CHSY3: variants seen among roughly 807,000 people sequenced by gnomAD.
CHSY3 encodes the protein chondroitin sulfate synthase 3, also known as N-acetylgalactosaminyl-proteoglycan 3-beta-glucuronosyltransferase 3.
A neutral mutation model predicts 67.2 loss-of-function variants in CHSY3; 35 were observed. The ratio of observed to expected loss-of-function variants is 0.52; its 90% CI spans 0.40 to 0.69. The LOEUF (loss-of-function observed/expected upper bound fraction) is 0.69, where lower values mean the gene tolerates loss of function less well. CHSY3 is among the 30% of genes least tolerant of loss of function. The pLI is 0.00. For synonymous variants in CHSY3, 474 were observed against 434.7 expected, an observed-to-expected ratio of 1.09 and a Z score of -1.12; for missense variants, 1,069 against 1,138.5, an observed-to-expected ratio of 0.94 and a Z score of 0.88.
intron 2 of CHSY3, among the ~76,000 whole-genome samples, chr5:130,045,680 T>C (rs1002110479): frequency 2.6e-5 from 4 of 152,148 alleles, no homozygotes; most frequent in African/African-American, 9.7e-5. Context: ...CTGGAACTAC[T>C]GTTTCTGGTG....
At chr5:130,082,627 A>C (rs1452864240) in intron 2 of CHSY3, among the ~76,000 whole-genome samples, 1 of 152,018 alleles carries the variant, frequency 6.6e-6, no homozygotes, top group Non-Finnish European at 1.5e-5. Flanking sequence ...TCCTTAATGA[A>C]TATTTTCCTA....
At chr5:129,962,656 T>C (rs571306911) in intron 2 of CHSY3, among the ~76,000 whole-genome samples, 1 of 152,142 alleles carries the variant, frequency 6.6e-6, no homozygotes, top group East Asian at 1.9e-4. Flanking sequence ...TGCTCTCTGC[T>C]CTCTGCTCTC....
intron 2 of CHSY3, among the ~76,000 whole-genome samples, chr5:130,128,965 A>G (rs1288363887): frequency 1.3e-5 from 2 of 151,570 alleles, no homozygotes; most frequent in Non-Finnish European, 2.9e-5. Flanking sequence ...ACAGGTCTGC[A>G]TAGAGAATGC....
chr5:130,153,783 T>C (rs1769296049), intron 2 of CHSY3, among the ~76,000 whole-genome samples: 1 of 152,188 alleles, frequency 6.6e-6, no homozygotes, highest in South Asian at 2.1e-4. Context: ...TTAGTTTTAT[T>C]TACTTGGTTC....
intron 2 of CHSY3, among the ~76,000 whole-genome samples, chr5:130,148,480 C>T (rs945055019): frequency 3.3e-5 from 5 of 152,156 alleles, no homozygotes; most frequent in African/African-American, 1.2e-4. Flanking sequence ...CACTGTTTTC[C>T]ACAATGGTTA....
At chr5:130,088,922 C>A (rs1006642649) in intron 2 of CHSY3, among the ~76,000 whole-genome samples, 1 of 151,924 alleles carries the variant, frequency 6.6e-6, no homozygotes, top group African/African-American at 2.4e-5. Context: ...CACACGCACA[C>A]GTATGTTTAT....
intron 2 of CHSY3, among the ~76,000 whole-genome samples, chr5:130,049,045 C>G (rs1020582658): frequency 6.6e-5 from 10 of 152,004 alleles, no homozygotes; most frequent in Admixed American, 5.3e-4. Context: ...GTAAAACCTA[C>G]TTTTCAATCC....
At chr5:130,172,702 G>C (rs1769930362) in intron 2 of CHSY3, among the ~76,000 whole-genome samples, 1 of 152,120 alleles carries the variant, frequency 6.6e-6, no homozygotes, top group African/African-American at 2.4e-5. Context: ...TGTTTCTGTA[G>C]AACTTTTTAA....
In CHSY3 at chr5:129,970,926, T is replaced by G. The variant is rs1170295292; in HGVS notation, c.1086+62566T>G. On this transcript the variant is annotated intron_variant, in intron 2 of 2. Coordinates refer to ENST00000305031, the MANE Select transcript of CHSY3 (RefSeq NM_175856.5). ...ATAGTTAAATATCAATGTAAATGTC[T>G]CTACTATGCCAGATAAACATAAGGT... Among the ~76,000 whole-genome samples the G allele has an allele frequency of 2.6e-5, 4 of 152,010 alleles. No homozygotes were observed. In the East Asian group the frequency reaches 7.8e-4, roughly 29 times the overall value.
chr5:129,955,766 C>G (rs1052081796), intron 2 of CHSY3, among the ~76,000 whole-genome samples: 2 of 152,076 alleles, frequency 1.3e-5, no homozygotes, highest in African/African-American at 4.8e-5. Context: ...ATTTAGCTTC[C>G]ACTTATAGAT....
At position 130,185,799 on chromosome 5, in the gene CHSY3, G is replaced by A; in HGVS notation, c.*8G>A. On this transcript the variant is annotated 3_prime_UTR_variant, in exon 3 of 3. Coordinates refer to ENST00000305031, the MANE Select transcript of CHSY3 (RefSeq NM_175856.5). The stretch of plus-strand genomic sequence containing the variant: ...AATCGAACTCTCTCCTGACAGTCCA[G>A]GCAACACATTTTGCCTTTTTTAAGG... The A allele has an allele frequency of 6.5e-7, 1 of 1,536,458 alleles. No homozygotes were observed. Among genetic ancestry groups the A allele is most frequent in the South Asian group, 1.3e-5 (1 of 77,366 alleles).
chr5:130,184,157 A>T, intron 2 of CHSY3, 72 bp from the exon 3 acceptor site: 1 of 1,315,510 alleles, frequency 7.6e-7, no homozygotes, highest in Non-Finnish European at 9.8e-7. Context: ...TAGATGCTTT[A>T]GTTTATCGCT....
intron 2 of CHSY3, among the ~76,000 whole-genome samples, chr5:130,042,579 C>T (rs1765034835): frequency 6.6e-6 from 1 of 152,006 alleles, no homozygotes. Flanking sequence ...AAGTATAGAG[C>T]ATTTATATTC....
intron 2 of CHSY3, among the ~76,000 whole-genome samples, chr5:130,136,978 T>C (rs1768685185): frequency 6.6e-6 from 1 of 152,168 alleles, no homozygotes; most frequent in African/African-American, 2.4e-5. Flanking sequence ...GTTAGGGGTT[T>C]CTTGTCTCCA....
At chr5:129,990,838 T>G (rs574760249) in intron 2 of CHSY3, among the ~76,000 whole-genome samples, 45 of 152,058 alleles carry the variant, frequency 3.0e-4, no homozygotes, top group Non-Finnish European at 4.3e-4. Context: ...ATAAGGATAA[T>G]AGAGAAGCAG....
At chr5:130,057,239 CT>C (rs1181125544) in intron 2 of CHSY3, among the ~76,000 whole-genome samples, 3 of 151,778 alleles carry the variant, frequency 2.0e-5, no homozygotes, top group African/African-American at 7.3e-5. Flanking sequence ...TTTAGCATTT[CT>C]TTTTTTAAAA....
chr5:129,979,520 G>T (rs146015059), intron 2 of CHSY3, among the ~76,000 whole-genome samples: 263 of 151,808 alleles, frequency 1.7e-3, no homozygotes, highest in Middle Eastern at 3.4e-3. Context: ...ATGTATCTCC[G>T]ACCTCTACAG....
chr5:130,038,924 T>C (rs1464107045), intron 2 of CHSY3, among the ~76,000 whole-genome samples: 1 of 152,092 alleles, frequency 6.6e-6, no homozygotes, highest in African/African-American at 2.4e-5. Flanking sequence ...TATATTTACA[T>C]TTCCTTGCAA....
At chr5:130,057,679 G>A (rs1765578991) in intron 2 of CHSY3, among the ~76,000 whole-genome samples, 1 of 152,096 alleles carries the variant, frequency 6.6e-6, no homozygotes, top group Non-Finnish European at 1.5e-5. Context: ...GACTAATGAT[G>A]GACTCATCTA....
Sources: gnomAD v4.1 joint callset for allele counts (sites outside exome capture counted in the v4.1 genomes callset) on GRCh38, gnomAD v4.1.1 for gene constraint, MANE v1.5 for transcripts, NCBI Gene and HGNC (gene_info 2026-07-23, HGNC 2026-07-21) for gene names.